Variants in AFG2A observed in about 807,000 individuals in gnomAD.
The protein encoded by AFG2A is AAA ATPase AFG2A, also known as ATPase family gene 2 protein homolog A.
the AFG2A span, among the ~76,000 whole-genome samples, chr4:123,037,534 C>T: frequency 6.6e-6 from 1 of 152,018 alleles, no homozygotes; most frequent in Non-Finnish European, 1.5e-5. Flanking sequence ...AGTAACATAA[C>T]TTATGAGCAA....
the AFG2A span, chr4:123,102,277 T>A: frequency 7.2e-6 from 1 of 139,580 alleles, no homozygotes; most frequent in Non-Finnish European, 1.5e-5. Flanking sequence ...GCAAAAGTGA[T>A]TAACCATGTG....
chr4:123,240,750 A>G, the AFG2A span, among the ~76,000 whole-genome samples: 1 of 152,052 alleles, frequency 6.6e-6, no homozygotes, highest in African/African-American at 2.4e-5. Flanking sequence ...AACATACAAA[A>G]GCTAGCAGAA....
the AFG2A span, among the ~76,000 whole-genome samples, chr4:123,007,568 ATGTGTGTG>A: frequency 7.6e-5 from 7 of 91,736 alleles, no homozygotes; most frequent in African/African-American, 3.2e-4. Context: ...GTGTGTGTAT[ATGTGTGTG>A]TGTGTGTGTG....
chr4:122,998,626 A>G, the AFG2A span, among the ~76,000 whole-genome samples: 4 of 152,142 alleles, frequency 2.6e-5, no homozygotes, highest in Non-Finnish European at 5.9e-5. Context: ...CCATGTCCTT[A>G]AAAAGGACAT....
At chr4:123,026,030 G>A in the AFG2A span, among the ~76,000 whole-genome samples, 7 of 152,096 alleles carry the variant, frequency 4.6e-5, no homozygotes, top group African/African-American at 1.4e-4. Context: ...ATCCTTTCAC[G>A]TTTTTCCCAA....
At chr4:123,046,177 A>T in the AFG2A span, among the ~76,000 whole-genome samples, 1 of 151,802 alleles carries the variant, frequency 6.6e-6, no homozygotes, top group Non-Finnish European at 1.5e-5. Context: ...TTTTTATGGG[A>T]TCATAAATTC....
chr4:123,234,372 A>G, the AFG2A span, among the ~76,000 whole-genome samples: 1 of 152,082 alleles, frequency 6.6e-6, no homozygotes, highest in African/African-American at 2.4e-5. Flanking sequence ...ATAAGAATAC[A>G]TATCTCCTTT....
chr4:123,007,608 G>GTGTGTATA, the AFG2A span, among the ~76,000 whole-genome samples: 26 of 18,152 alleles, frequency 1.4e-3, no homozygotes, highest in African/African-American at 4.4e-3. Context: ...GTGTGTGTGT[G>GTGTGTATA]TATATATATA....
chr4:122,975,392 TGA>T, the AFG2A span, among the ~76,000 whole-genome samples: 1 of 152,186 alleles, frequency 6.6e-6, no homozygotes, highest in South Asian at 2.1e-4. Context: ...AGTTTTAACA[TGA>T]GTTTTGGAGG....
At chr4:123,287,192 G>T in the AFG2A span, among the ~76,000 whole-genome samples, 2 of 152,206 alleles carry the variant, frequency 1.3e-5, no homozygotes, top group Non-Finnish European at 2.9e-5. Context: ...ATATAAACTA[G>T]TATCACAGCT....
the AFG2A span, among the ~76,000 whole-genome samples, chr4:122,996,404 T>G: frequency 6.6e-6 from 1 of 152,194 alleles, no homozygotes; most frequent in Admixed American, 6.6e-5. Flanking sequence ...TGAAGCAGTT[T>G]ATGGTAGTTC....
At chr4:123,258,959 C>T in the AFG2A span, among the ~76,000 whole-genome samples, 4 of 151,090 alleles carry the variant, frequency 2.6e-5, no homozygotes, top group East Asian at 2.0e-4. Context: ...CTCCGCCTCC[C>T]GGGTTCAAGC....
the AFG2A span, among the ~76,000 whole-genome samples, chr4:123,020,144 A>G: frequency 6.6e-6 from 1 of 151,950 alleles, no homozygotes; most frequent in Non-Finnish European, 1.5e-5. Flanking sequence ...CTAGGATCTT[A>G]GTCTGCTTCC....
chr4:123,123,796 A>G, the AFG2A span, among the ~76,000 whole-genome samples: 1 of 151,214 alleles, frequency 6.6e-6, no homozygotes, highest in Non-Finnish European at 1.5e-5. Context: ...AAAAAAAAAT[A>G]CAAAAATTAG....
At chr4:123,157,239 G>T in the AFG2A span, among the ~76,000 whole-genome samples, 1 of 151,786 alleles carries the variant, frequency 6.6e-6, no homozygotes, top group East Asian at 1.9e-4. Flanking sequence ...GGCCAAGCTG[G>T]TCTTGAACTC....
chr4:123,197,770 A>AAATAAAT, the AFG2A span, among the ~76,000 whole-genome samples: 7 of 149,400 alleles, frequency 4.7e-5, no homozygotes, highest in South Asian at 1.5e-3. Context: ...TCCATCTCAA[A>AAATAAAT]AAATAAATAA....
chr4:123,025,567 G>T, the AFG2A span, among the ~76,000 whole-genome samples: 1 of 151,390 alleles, frequency 6.6e-6, no homozygotes, highest in Non-Finnish European at 1.5e-5. Flanking sequence ...TTTTTTTTAA[G>T]AGGATTTGAA....
chr4:123,145,358 T>A, the AFG2A span, among the ~76,000 whole-genome samples: 4 of 151,878 alleles, frequency 2.6e-5, no homozygotes, highest in African/African-American at 9.7e-5. Flanking sequence ...AAAGTTGGCT[T>A]CAGTTTCTTC....
chr4:123,012,643 C>T, the AFG2A span, among the ~76,000 whole-genome samples: 248 of 152,222 alleles, frequency 1.6e-3, 1 homozygote, highest in Non-Finnish European at 2.7e-3. Context: ...CTGGAGTTTT[C>T]GGTCCACGGA....
Sources: allele counts gnomAD v4.1 joint callset (sites outside exome capture counted in the v4.1 genomes callset), GRCh38; gene constraint gnomAD v4.1.1; transcripts MANE v1.5; gene names NCBI Gene and HGNC (gene_info 2026-07-23, HGNC 2026-07-21).